Variants in INPP4B observed in about 807,000 individuals in gnomAD.
INPP4B encodes the protein inositol polyphosphate-4-phosphatase type II B, also known as inositol polyphosphate 4-phosphatase type II.
INPP4B carries 55 observed loss-of-function variants against 122.5 expected under a neutral mutation model. That is an observed-to-expected ratio of 0.45 (90% CI 0.36 to 0.56). The LOEUF (loss-of-function observed/expected upper bound fraction) is 0.56. Ranked by LOEUF, INPP4B falls within the 20% of genes least tolerant of loss-of-function variation. The pLI is 0.00. For synonymous variants in INPP4B, 403 were observed against 388.7 expected (o/e 1.04, Z -0.43); for missense variants, 1,000 against 1,097.7 (o/e 0.91, Z 1.26).
At chr4:142,743,490 A>G (rs1397320524) in intron 1 of INPP4B, among the ~76,000 whole-genome samples, 3 of 151,958 alleles carry the variant, frequency 2.0e-5, no homozygotes, top group Admixed American at 6.6e-5. Context: ...GGCATTTTAG[A>G]GAGTTACTGC....
At chr4:142,348,712 T>C (rs1457140145) in intron 7 of INPP4B, among the ~76,000 whole-genome samples, 1 of 152,060 alleles carries the variant, frequency 6.6e-6, no homozygotes, top group Non-Finnish European at 1.5e-5. Flanking sequence ...GCAATGATTG[T>C]CTAAAATGTC....
At chr4:142,387,544 A>G (rs374838084) in intron 7 of INPP4B, among the ~76,000 whole-genome samples, 5 of 152,188 alleles carry the variant, frequency 3.3e-5, no homozygotes, top group Non-Finnish European at 7.4e-5. Context: ...CCAAGGTTAT[A>G]TAGTGTGGCA....
chr4:142,244,286 CCTTTTTTTTTT>C (rs1161192903), intron 11 of INPP4B, among the ~76,000 whole-genome samples: 1 of 108,596 alleles, frequency 9.2e-6, no homozygotes, highest in East Asian at 3.0e-4. Context: ...TGTATATGTG[CCTTTTTTTTTT>C]TTTTTTTTTT....
intron 2 of INPP4B, among the ~76,000 whole-genome samples, chr4:142,562,695 A>G: frequency 6.6e-6 from 1 of 152,178 alleles, no homozygotes; most frequent in East Asian, 1.9e-4. Flanking sequence ...AGTATTATTT[A>G]GAATCTATAA....
chr4:142,794,733 C>T (rs531537557), intron 1 of INPP4B, among the ~76,000 whole-genome samples: 1 of 151,790 alleles, frequency 6.6e-6, no homozygotes, highest in African/African-American at 2.4e-5. Flanking sequence ...ATATAAAGCT[C>T]ATATGCCAAT....
intron 8 of INPP4B, among the ~76,000 whole-genome samples, chr4:142,306,828 T>C (rs1763563606): frequency 2.0e-5 from 3 of 151,858 alleles, no homozygotes; most frequent in South Asian, 2.1e-4. Flanking sequence ...TGAGCTAAGA[T>C]TGCATCACTG....
At chr4:142,451,251 T>C (rs558744356) in intron 3 of INPP4B, among the ~76,000 whole-genome samples, 2 of 142,318 alleles carry the variant, frequency 1.4e-5, no homozygotes, top group African/African-American at 5.2e-5. Context: ...CTGTTGTTTT[T>C]TTTTTTTTTT....
chr4:142,596,475 G>A (rs1738713618), intron 2 of INPP4B, among the ~76,000 whole-genome samples: 1 of 152,132 alleles, frequency 6.6e-6, no homozygotes, highest in South Asian at 2.1e-4. Flanking sequence ...ACCACCAGCT[G>A]AGTGACTGGG....
At chr4:142,522,077 C>A (rs1214065297) in intron 2 of INPP4B, among the ~76,000 whole-genome samples, 3 of 152,078 alleles carry the variant, frequency 2.0e-5, no homozygotes, top group Admixed American at 6.6e-5. Context: ...CTACTGGATT[C>A]AATATGCATA....
chr4:142,427,136 G>A (rs538497276), intron 5 of INPP4B: 233 of 165,696 alleles, frequency 1.4e-3, no homozygotes, highest in Non-Finnish European at 6.5e-4. Flanking sequence ...AAACATCCAC[G>A]GGTTTATCTG....
intron 2 of INPP4B, among the ~76,000 whole-genome samples, chr4:142,485,528 C>A (rs1389929787): frequency 1.3e-5 from 2 of 152,022 alleles, no homozygotes; most frequent in Non-Finnish European, 2.9e-5. Context: ...ATCTTCAGGA[C>A]AAAACTAGTA....
chr4:142,057,916 G>T (rs113835214), intron 25 of INPP4B, among the ~76,000 whole-genome samples: 2 of 152,228 alleles, frequency 1.3e-5, no homozygotes, highest in African/African-American at 4.8e-5. Context: ...TAGGGTGTCA[G>T]CTTCCTCCTG....
intron 2 of INPP4B, among the ~76,000 whole-genome samples, chr4:142,593,073 C>T (rs1737865613): frequency 6.6e-6 from 1 of 150,820 alleles, no homozygotes. Flanking sequence ...CACTGTACTC[C>T]AGCCTGGGTG....
chr4:142,653,029 T>C (rs1040640154), intron 2 of INPP4B, among the ~76,000 whole-genome samples: 1 of 152,170 alleles, frequency 6.6e-6, no homozygotes, highest in East Asian at 1.9e-4. Context: ...AACAGATTTA[T>C]AGACCAATGG....
rs1737163933 is a variant in INPP4B at position 142,026,851 on chromosome 4, T to C, written c.*1931A>G. 1 of 152,196 alleles carries C rather than the reference T, an allele frequency of 6.6e-6. No homozygotes were observed. Among genetic ancestry groups the C allele is most frequent in the African/African-American group, 2.4e-5 (1 of 41,454 alleles). The allele number at this position is 152,196 out of a possible 1,614,324, so 9.4% of individuals were successfully genotyped here. On this transcript the variant is annotated 3_prime_UTR_variant, in exon 26 of 26. Transcript: ENST00000262992. ...TTTTCAAAAATACAAATAAAAATTA[T>C]TGCTTATAAGAGTATTTACAGAATG...
intron 18 of INPP4B, among the ~76,000 whole-genome samples, chr4:142,134,232 T>C (rs1250982655): frequency 6.6e-6 from 1 of 152,182 alleles, no homozygotes; most frequent in African/African-American, 2.4e-5. Flanking sequence ...GAAGAGACCT[T>C]AAAACTTTGT....
At chr4:142,130,779 C>T (rs761186406) in intron 18 of INPP4B, among the ~76,000 whole-genome samples, 1 of 152,172 alleles carries the variant, frequency 6.6e-6, no homozygotes, top group African/African-American at 2.4e-5. Flanking sequence ...TGAGAAATAA[C>T]TGTACTGCTC....
intron 1 of INPP4B, among the ~76,000 whole-genome samples, chr4:142,738,063 G>T (rs1164030044): frequency 6.6e-6 from 1 of 152,112 alleles, no homozygotes; most frequent in Non-Finnish European, 1.5e-5. Flanking sequence ...ATTCCTCAGG[G>T]ATCTAGAACT....
intron 3 of INPP4B, among the ~76,000 whole-genome samples, chr4:142,433,888 A>G (rs1580051592): frequency 1.3e-5 from 2 of 152,150 alleles, no homozygotes; most frequent in African/African-American, 4.8e-5. Context: ...ATCAAATTTG[A>G]GATTTTTTTT....
Sources: gnomAD v4.1 joint callset for allele counts (sites outside exome capture counted in the v4.1 genomes callset) on GRCh38, gnomAD v4.1.1 for gene constraint, MANE v1.5 for transcripts, NCBI Gene and HGNC (gene_info 2026-07-23, HGNC 2026-07-21) for gene names.